Variants in NOX4 observed in about 807,000 individuals in gnomAD.
The protein encoded by NOX4 is NADPH oxidase 4, also known as kidney oxidase-1.
Under a neutral mutation model 87.6 loss-of-function variants are expected in NOX4, and 69 were observed. That is an observed-to-expected ratio of 0.79 (90% CI 0.65 to 0.96). The LOEUF is 0.96. NOX4 is among the 40% of genes least tolerant of loss of function. The pLI, the probability that NOX4 is intolerant of heterozygous loss-of-function variation, is 0.00. For synonymous variants in NOX4, 275 were observed against 238.2 expected, an observed-to-expected ratio of 1.15 and a Z score of -1.42; for missense variants, 680 against 681.5, an observed-to-expected ratio of 1.00 and a Z score of 0.02.
In NOX4 at chr11:89,451,812, G is replaced by A; in HGVS notation, c.237C>T (p.Leu79=). 6.2e-7 allele frequency: 1 copy of A among 1,613,028 alleles called. No individual in the cohort carries two copies. Among genetic ancestry groups the A allele is most frequent in the Non-Finnish European group, 8.5e-7 (1 of 1,179,154 alleles). The change falls in exon 3 of 18, where the codon CTC becomes CTT. Residue 79 remains leucine (L), a synonymous_variant. Transcript: ENST00000263317. The part of the protein sequence containing the change: ...SLILLPMCRT[L]LAYLRGSQKV... The stretch of plus-strand genomic sequence containing the variant: ...TCTGTGATCCTCGGAGGTAAGCCAA[G>A]AGTGTTCGGCACATGGGTAAAAGGA...
intron 11 of NOX4, among the ~76,000 whole-genome samples, chr11:89,383,921 C>A (rs1940491962): frequency 6.6e-6 from 1 of 152,072 alleles, no homozygotes; most frequent in East Asian, 1.9e-4. Flanking sequence ...TCATGCACCC[C>A]TTACCATCCC....
chr11:89,415,966 G>C lies in NOX4; in HGVS notation c.629+5936C>G, dbSNP rs564318982. On this transcript the variant is annotated intron_variant, in intron 8 of 17. Coordinates refer to ENST00000263317, the MANE Select transcript of NOX4 (RefSeq NM_016931.5). ...AACCTACAGTGTGTATTATTTGAAG[G>C]TTCTGTTTCTCAAATACACACACAG... Among the ~76,000 whole-genome samples, 12 of 152,192 alleles carry C rather than the reference G, an allele frequency of 7.9e-5. No homozygotes were observed. The East Asian group carries it at 1.9e-3, about 25-fold the overall frequency.
At chr11:89,487,132 A>T (rs1034671900) in intron 2 of NOX4, among the ~76,000 whole-genome samples, 1 of 152,192 alleles carries the variant, frequency 6.6e-6, no homozygotes, top group Non-Finnish European at 1.5e-5. Flanking sequence ...ACGTAGTATG[A>T]TGAAAAAGCA....
At chr11:89,562,152 A>G in the NOX4 span, among the ~76,000 whole-genome samples, 1 of 152,188 alleles carries the variant, frequency 6.6e-6, no homozygotes, top group African/African-American at 2.4e-5. Context: ...GTTGCATGCT[A>G]AATATTCCTA....
the NOX4 span, among the ~76,000 whole-genome samples, chr11:89,561,762 G>A: frequency 4.6e-5 from 7 of 152,090 alleles, no homozygotes; most frequent in Non-Finnish European, 1.0e-4. Context: ...CTTTCTCGTG[G>A]GGGAGGCTGG....
intron 13 of NOX4, among the ~76,000 whole-genome samples, chr11:89,345,361 T>C (rs1946172470): frequency 6.6e-6 from 1 of 152,206 alleles, no homozygotes; most frequent in African/African-American, 2.4e-5. Flanking sequence ...GACTTTATGA[T>C]GGAGTGAAAG....
chr11:89,411,003 G>A (rs1337102659), intron 8 of NOX4, among the ~76,000 whole-genome samples: 3 of 152,046 alleles, frequency 2.0e-5, no homozygotes, highest in South Asian at 2.1e-4. Flanking sequence ...TGAATAAAGA[G>A]GACTTTGTCC....
chr11:89,449,217 G>A (rs79628276), intron 4 of NOX4, among the ~76,000 whole-genome samples: 3,370 of 152,120 alleles, frequency 0.022, 132 homozygotes, highest in African/African-American at 0.077. Context: ...GTAATTTTAC[G>A]TGTGGTTTAA....
intron 2 of NOX4, among the ~76,000 whole-genome samples, chr11:89,452,218 T>A (rs1944992807): frequency 2.6e-5 from 4 of 152,122 alleles, no homozygotes; most frequent in Admixed American, 2.6e-4. Context: ...GCCTTAAGAG[T>A]TTCTGTATAT....
At chr11:89,329,026 G>T (rs946412779) in intron 17 of NOX4, among the ~76,000 whole-genome samples, 15 of 151,876 alleles carry the variant, frequency 9.9e-5, no homozygotes, top group Non-Finnish European at 1.6e-4. Context: ...CCAGTCTGTG[G>T]TATATTGCTA....
In NOX4 at chr11:89,382,254, T is replaced by G. The variant is rs567502754; in HGVS notation, c.1075-8762A>C. ...TTCCACCCTTCATTCCTCCTTCTTC[T>G]CCCTTGGCCTGTGTTCCAAGAACTT... On this transcript the variant is annotated intron_variant, in intron 11 of 17. Coordinates refer to ENST00000263317, the MANE Select transcript of NOX4 (RefSeq NM_016931.5). Among the ~76,000 whole-genome samples, 8 of 152,060 alleles carry G rather than the reference T, an allele frequency of 5.3e-5. No homozygotes were observed. In the East Asian group the frequency reaches 1.6e-3, roughly 30 times the overall value.
chr11:89,437,817 C>T (rs182017176), intron 6 of NOX4, among the ~76,000 whole-genome samples: 7 of 152,026 alleles, frequency 4.6e-5, no homozygotes, highest in African/African-American at 1.7e-4. Context: ...GTTCCAGGAC[C>T]CCTCACAGAT....
chr11:89,379,364 C>T (rs1731806226), intron 11 of NOX4, among the ~76,000 whole-genome samples: 1 of 150,878 alleles, frequency 6.6e-6, no homozygotes, highest in Non-Finnish European at 1.5e-5. Flanking sequence ...AGAGTTGGGG[C>T]TCATCATTAA....
the NOX4 span, among the ~76,000 whole-genome samples, chr11:89,541,019 G>A: frequency 6.6e-6 from 1 of 151,878 alleles, no homozygotes; most frequent in Admixed American, 6.6e-5. Context: ...ACTTACCAAG[G>A]TGTTTTATAG....
chr11:89,510,609 T>C, the NOX4 span, among the ~76,000 whole-genome samples: 744 of 152,182 alleles, frequency 4.9e-3, 6 homozygotes, highest in African/African-American at 0.017. Flanking sequence ...TACTTGAGTG[T>C]AGAATAGATA....
At chr11:89,380,382 G>A (rs1940190416) in intron 11 of NOX4, among the ~76,000 whole-genome samples, 1 of 152,042 alleles carries the variant, frequency 6.6e-6, no homozygotes, top group Admixed American at 6.6e-5. Flanking sequence ...ACAATAACAT[G>A]GTCACTGCTG....
the NOX4 span, chr11:89,577,267 T>G: frequency 6.6e-6 from 1 of 152,176 alleles, no homozygotes; most frequent in African/African-American, 2.4e-5. Context: ...TCTATTCTTA[T>G]ATATTTCATT....
At chr11:89,555,506 T>A in the NOX4 span, among the ~76,000 whole-genome samples, 5 of 152,154 alleles carry the variant, frequency 3.3e-5, no homozygotes, top group African/African-American at 1.2e-4. Flanking sequence ...GTTTTTAGTG[T>A]GCTTTCTTAT....
At chr11:89,467,805 G>A (rs1945772334) in intron 2 of NOX4, among the ~76,000 whole-genome samples, 1 of 152,188 alleles carries the variant, frequency 6.6e-6, no homozygotes, top group African/African-American at 2.4e-5. Flanking sequence ...CCAGGAAGTG[G>A]CATGAAGAGA....
Sources: allele counts gnomAD v4.1 joint callset (sites outside exome capture counted in the v4.1 genomes callset), GRCh38; gene constraint gnomAD v4.1.1; transcripts MANE v1.5; gene names NCBI Gene and HGNC (gene_info 2026-07-23, HGNC 2026-07-21).